Variants in TRIM8 observed in about 807,000 individuals in gnomAD.
The protein encoded by TRIM8 is E3 ubiquitin-protein ligase TRIM8.
TRIM8 carries 9 observed loss-of-function variants against 55.7 expected under a neutral mutation model. That is an observed-to-expected ratio of 0.16 (90% CI 0.10 to 0.28). The LOEUF (loss-of-function observed/expected upper bound fraction) is 0.28. TRIM8 is among the 10% of genes least tolerant of loss of function. The pLI, the probability that TRIM8 is intolerant of heterozygous loss-of-function variation, is 1.00. For synonymous variants in TRIM8, 335 were observed against 333.3 expected (o/e 1.01, Z -0.06); for missense variants, 556 against 736.4 (o/e 0.76, Z 2.83).
At chr10:102,654,989 G>C in intron 2 of TRIM8, 91 bp from the exon 3 acceptor site, 1 of 1,439,902 alleles carries the variant, frequency 6.9e-7, no homozygotes, top group Non-Finnish European at 9.6e-7. Context: ...TGGTGACTTA[G>C]GGTTCTAGGA....
At chr10:102,652,162 C>T (rs932255588) in intron 1 of TRIM8, among the ~76,000 whole-genome samples, 7 of 152,164 alleles carry the variant, frequency 4.6e-5, no homozygotes, top group Non-Finnish European at 1.0e-4. Context: ...CCCCCTGCAC[C>T]CAGCTTATAA....
chr10:102,655,098 A>C lies in TRIM8; in HGVS notation c.685A>C (p.Lys229Gln). 1 of 1,612,814 alleles carries C rather than the reference A, an allele frequency of 6.2e-7. No individual in the cohort carries two copies. Among genetic ancestry groups the C allele is most frequent in the Non-Finnish European group, 8.5e-7 (1 of 1,179,648 alleles). ...RLVEEKVNQL[K>Q]EEVRLQYEKL... is the part of the protein sequence containing the mutation. Reference sequence around the variant, plus strand: ...CTCGCAGGAGAAAGTGAACCAACTGAAGGAGGAAGTTCGGCTGCAGTACGA... The same window carrying C: ...CTCGCAGGAGAAAGTGAACCAACTGCAGGAGGAAGTTCGGCTGCAGTACGA... The change falls in exon 3 of 6, where the codon AAG (lysine) becomes CAG (glutamine). Residue 229 changes from lysine to glutamine, a missense_variant. Coordinates refer to ENST00000643721, the MANE Select transcript of TRIM8 (RefSeq NM_030912.3).
rs200554627 is a variant in TRIM8 at position 102,656,915 on chromosome 10, C to G, written c.1217C>G (p.Ala406Gly). 2.1e-5 allele frequency: 34 copies of G among 1,601,062 alleles called. No homozygotes were observed. In the East Asian group the frequency reaches 2.9e-4, roughly 14 times the overall value. Residue 406 changes from alanine (A) to glycine (G), a missense_variant, in exon 6 of 6, where the codon GCC becomes GGC. By Grantham distance (60) the Ala-to-Gly change is moderately conservative. This residue lies in a region of TRIM8 where 391 missense variants were observed against 441.0 expected (regional missense o/e 0.89). Transcript: ENST00000643721. This position sits in a 1 kb window ranked among gnomAD's most constrained non-coding sequence, Gnocchi z 4.6. ...VGGQYGAAGT[A>G]SGEGQSGQPL... Reference sequence around the variant, plus strand: ...GGCCAGTACGGGGCGGCGGGCACAGCCAGCGGTGAGGGCCAGTCTGGGCAG... The same window carrying G: ...GGCCAGTACGGGGCGGCGGGCACAGGCAGCGGTGAGGGCCAGTCTGGGCAG...
intron 1 of TRIM8, among the ~76,000 whole-genome samples, chr10:102,648,998 G>C (rs956600032): frequency 1.3e-5 from 2 of 151,408 alleles, no homozygotes; most frequent in Non-Finnish European, 1.5e-5. Context: ...TGCCTTCTGC[G>C]GCCCTGGGTG....
chr10:102,651,183 C>A (rs2063982145), intron 1 of TRIM8, among the ~76,000 whole-genome samples: 1 of 152,216 alleles, frequency 6.6e-6, no homozygotes, highest in East Asian at 1.9e-4. Context: ...GGAAATGAAA[C>A]CCTCCCACCT....
rs181459642 is a variant in TRIM8, at chr10:102,657,039, C to T, written c.1341C>T (p.Pro447=). Residue 447 remains proline, a synonymous_variant, in exon 6 of 6, where the codon CCC becomes CCT. Transcript: ENST00000643721. The stretch of plus-strand genomic sequence containing the variant: ...CCGTGTTCCCCCCATCGCAGTATCC[C>T]AATGGCTCCGCCGCCCAGCAGCCCA... ...SSPVFPPSQY[P]NGSAAQQPML... The T allele has an allele frequency of 7.1e-5, 115 of 1,613,094 alleles. No homozygotes were observed. In the East Asian group the frequency reaches 2.5e-3, roughly 34 times the overall value.
chr10:102,647,252 GTGCGCGTGCA>G (rs1299315350), intron 1 of TRIM8, among the ~76,000 whole-genome samples: 9 of 152,312 alleles, frequency 5.9e-5, no homozygotes, highest in Non-Finnish European at 1.2e-4. Context: ...GTGTGTGTGC[GTGCGCGTGCA>G]TGCGCGTGCT....
At chr10:102,650,383 G>A (rs1279354667) in intron 1 of TRIM8, among the ~76,000 whole-genome samples, 1 of 152,178 alleles carries the variant, frequency 6.6e-6, no homozygotes, top group Non-Finnish European at 1.5e-5. Flanking sequence ...GGGCCCAGGT[G>A]GTGGAGGGTG....
At chr10:102,654,779 G>A in intron 2 of TRIM8, 31 bp downstream of exon 2, 2 of 1,561,636 alleles carry the variant, frequency 1.3e-6, no homozygotes, top group East Asian at 2.2e-5. Context: ...GCTGCGGGGT[G>A]GGGGTGGCTT....
chr10:102,649,537 C>T (rs1193707448), intron 1 of TRIM8, among the ~76,000 whole-genome samples: 2 of 152,242 alleles, frequency 1.3e-5, no homozygotes, highest in Non-Finnish European at 2.9e-5. Context: ...GGAAAGCCTT[C>T]CTTTCCCGGC....
intron 1 of TRIM8, among the ~76,000 whole-genome samples, chr10:102,648,852 C>T (rs1287876293): frequency 6.6e-6 from 1 of 152,118 alleles, no homozygotes; most frequent in African/African-American, 2.4e-5. Context: ...CCCGAGTCTT[C>T]GTGGAAGGAG....
chr10:102,644,571 G>A lies in TRIM8; in HGVS notation c.-47G>A, dbSNP rs746204940. On this transcript the variant is annotated 5_prime_UTR_variant, in exon 1 of 6. Transcript: ENST00000643721. ...CAGCGGCTCCGGACGGACCCCCGGG[G>A]CTGGGGAGTCGGGGAGGCCTGCCCC... is the stretch of plus-strand genomic sequence containing the variant. 7.1e-5 allele frequency: 112 copies of A among 1,576,650 alleles called. No homozygotes were observed. The highest frequency in any genetic ancestry group is 6.3e-5 in the Non-Finnish European group (73 of 1,159,932).
At position 102,654,971 on chromosome 10, in the gene TRIM8, G is replaced by A. The variant is rs2064011524; in HGVS notation, c.667-109G>A. Reference sequence around the variant, plus strand: ...GTCAGACCTTGCCCTTGGGAGCCTGGGGCAGCCTGGTGACTTAGGGTTCTA... The same window carrying A: ...GTCAGACCTTGCCCTTGGGAGCCTGAGGCAGCCTGGTGACTTAGGGTTCTA... On this transcript the variant is annotated intron_variant, in intron 2 of 5. Transcript: ENST00000643721. The A allele has an allele frequency of 2.2e-5, 29 of 1,318,714 alleles. No individual in the cohort carries two copies. In the South Asian group the frequency reaches 3.7e-4, roughly 17 times the overall value. The allele number at this position is 1,318,714 out of a possible 1,614,324, so 81.7% of individuals were successfully genotyped here. A position where few individuals can be genotyped will look rare whatever the true frequency, so the allele number is the denominator to read the frequency against.
chr10:102,647,432 G>A (rs969315428), intron 1 of TRIM8, among the ~76,000 whole-genome samples: 5 of 152,166 alleles, frequency 3.3e-5, no homozygotes, highest in African/African-American at 1.2e-4. Context: ...TGGTGCCCCA[G>A]GCCACTGGGG....
At position 102,657,523 on chromosome 10, in the gene TRIM8, AT is replaced by A. The variant is rs59879602; in HGVS notation, c.*178del. ...TGTTTTGGTTTTGGCTTTGTTTTTG[AT>A]TTTTTTTTATTATGAATCTCCTGGA... On this transcript the variant is annotated 3_prime_UTR_variant, in exon 6 of 6. Coordinates refer to ENST00000643721, the MANE Select transcript of TRIM8 (RefSeq NM_030912.3). The A allele has an allele frequency of 3.5e-4, 292 of 843,056 alleles. No homozygotes were observed. The highest frequency in any genetic ancestry group is 4.2e-4 in the Non-Finnish European group (246 of 579,350). 52.2% of individuals were successfully genotyped at this position (843,056 alleles called of 1,614,324 possible).
intron 1 of TRIM8, chr10:102,645,559 C>T (rs1308488627): frequency 5.1e-6 from 1 of 195,374 alleles, no homozygotes; most frequent in East Asian, 1.3e-4. Flanking sequence ...CCTGCCTCTC[C>T]AGCTGCTGTT....
intron 1 of TRIM8, among the ~76,000 whole-genome samples, chr10:102,651,909 G>A (rs747343418): frequency 1.3e-5 from 2 of 152,326 alleles, no homozygotes; most frequent in East Asian, 1.9e-4. Flanking sequence ...GGCTGTGCCC[G>A]CCAGCATACC....
At position 102,657,271 on chromosome 10, in the gene TRIM8, C is replaced by T. The variant is rs765249734; in HGVS notation, c.1573C>T (p.Leu525Phe). 1 of 1,613,886 alleles carries T rather than the reference C, an allele frequency of 6.2e-7. No homozygotes were observed. Among genetic ancestry groups the T allele is most frequent in the Non-Finnish European group, 8.5e-7 (1 of 1,179,900 alleles). Residue 525 changes from leucine to phenylalanine, a missense_variant, in exon 6 of 6, where the codon CTT becomes TTT. By Grantham distance (22) the Leu-to-Phe change is conservative. This residue lies in a region of TRIM8 where 391 missense variants were observed against 441.0 expected (regional missense o/e 0.89). Coordinates refer to ENST00000643721, the MANE Select transcript of TRIM8 (RefSeq NM_030912.3). The part of the protein sequence containing the change: ...SLPSLAVRDW[L>F]DASQQPGHQD... The stretch of plus-strand genomic sequence containing the variant: ...TCCCAGCCTGGCGGTCAGAGACTGG[C>T]TTGACGCCTCCCAGCAGCCCGGCCA...
At chr10:102,648,862 G>A (rs2063957193) in intron 1 of TRIM8, among the ~76,000 whole-genome samples, 1 of 152,174 alleles carries the variant, frequency 6.6e-6, no homozygotes, top group Non-Finnish European at 1.5e-5. Context: ...CGTGGAAGGA[G>A]GCCCTGGCTT....
Sources: gnomAD v4.1 joint callset for allele counts (sites outside exome capture counted in the v4.1 genomes callset) on GRCh38, gnomAD v4.1.1 for gene constraint, gnomAD v4.1.1 regional missense constraint, Gnocchi (gnomAD v3.1) non-coding constraint, MANE v1.5 for transcripts, NCBI Gene and HGNC (gene_info 2026-07-23, HGNC 2026-07-21) for gene names.